The following PTPRT variants were observed in gnomAD, a reference collection of about 807,000 sequenced individuals.
PTPRT encodes receptor-type tyrosine-protein phosphatase T.
PTPRT carries 56 observed loss-of-function variants against 176.8 expected under a neutral mutation model. That is an observed-to-expected ratio of 0.32 (90% CI 0.26 to 0.40). PTPRT has a LOEUF of 0.40. Ranked by LOEUF, PTPRT falls within the 10% of genes least tolerant of loss-of-function variation. PTPRT has a pLI of 1.00. For synonymous variants in PTPRT, 783 were observed against 739.0 expected, an observed-to-expected ratio of 1.06 and a Z score of -0.96; for missense variants, 1,540 against 1,908.2, an observed-to-expected ratio of 0.81 and a Z score of 3.60.
intron 13 of PTPRT, among the ~76,000 whole-genome samples, chr20:42,282,241 T>C (rs1012300290): frequency 2.6e-5 from 4 of 152,138 alleles, no homozygotes; most frequent in Non-Finnish European, 5.9e-5. Flanking sequence ...TACCAGTCCA[T>C]CCTTTTACAC....
chr20:42,933,442 A>G (rs1042686155), intron 1 of PTPRT, among the ~76,000 whole-genome samples: 28 of 152,260 alleles, frequency 1.8e-4, no homozygotes, highest in African/African-American at 6.5e-4. Context: ...ACCCTTTGAT[A>G]ACAAGGACTG....
intron 2 of PTPRT, among the ~76,000 whole-genome samples, chr20:42,794,868 G>C (rs2077430454): frequency 8.7e-6 from 1 of 114,964 alleles, no homozygotes; most frequent in African/African-American, 3.3e-5. Context: ...CTTGGGGGTG[G>C]GGGGTGGGAT....
chr20:42,092,454 A>G (rs1052227666), intron 27 of PTPRT, among the ~76,000 whole-genome samples: 1 of 152,260 alleles, frequency 6.6e-6, no homozygotes, highest in Non-Finnish European at 1.5e-5. Flanking sequence ...ATAGTAATCT[A>G]ACAAATGATA....
chr20:42,519,627 A>G (rs1000618889), intron 7 of PTPRT, among the ~76,000 whole-genome samples: 14 of 151,952 alleles, frequency 9.2e-5, no homozygotes, highest in Admixed American at 8.5e-4. Context: ...AGATAGACAG[A>G]CAGATATAGA....
At chr20:42,595,976 G>A (rs976782316) in intron 7 of PTPRT, among the ~76,000 whole-genome samples, 1 of 152,086 alleles carries the variant, frequency 6.6e-6, no homozygotes, top group Non-Finnish European at 1.5e-5. Flanking sequence ...TCCTGGTGAG[G>A]GGGCTTCAAA....
chr20:42,898,491 G>A (rs1307059257), intron 1 of PTPRT, among the ~76,000 whole-genome samples: 1 of 152,134 alleles, frequency 6.6e-6, no homozygotes, highest in Non-Finnish European at 1.5e-5. Context: ...TATAGGCACT[G>A]TCCCCCACCT....
At chr20:42,311,698 G>A (rs757118894) in intron 12 of PTPRT, among the ~76,000 whole-genome samples, 12 of 149,942 alleles carry the variant, frequency 8.0e-5, no homozygotes, top group Middle Eastern at 3.2e-3. Flanking sequence ...TTACCCCCCC[G>A]TCACCCCATA....
rs141353748 is a variant in PTPRT at position 42,332,166 on chromosome 20, G to T, written c.1866-16170C>A. 6.8e-4 allele frequency among the ~76,000 whole-genome samples: 104 copies of T among 152,098 alleles called. 1 individual carries two copies. Among genetic ancestry groups the T allele is most frequent in the African/African-American group, 2.4e-3 (98 of 41,498 alleles). The stretch of plus-strand genomic sequence containing the variant: ...ACAATGGGCAGTATACACAAATTAT[G>T]TCTCCTGCTTGTTCAGGTACTATGA... On this transcript the variant is annotated intron_variant, in intron 11 of 30. Coordinates refer to ENST00000373187, the MANE Select transcript of PTPRT (RefSeq NM_007050.6).
At chr20:43,141,638 C>T (rs1252538874) in intron 1 of PTPRT, among the ~76,000 whole-genome samples, 2 of 152,152 alleles carry the variant, frequency 1.3e-5, no homozygotes, top group African/African-American at 2.4e-5. Context: ...GGAAAATGTA[C>T]AGTGTTGCAT....
At position 42,117,199 on chromosome 20, in the gene PTPRT, T is replaced by C. The variant is rs551807069; in HGVS notation, c.2982+1204A>G. 1.9e-4 allele frequency among the ~76,000 whole-genome samples: 29 copies of C among 152,328 alleles called. No homozygotes were observed. The East Asian group carries it at 4.2e-3, about 22-fold the overall frequency. ...CCTAAATTCCCATTAGGCCCTGAGA[T>C]GTCCATACCCCTTTATTGGATTACG... is the stretch of plus-strand genomic sequence containing the variant. On this transcript the variant is annotated intron_variant, in intron 21 of 30. Coordinates refer to ENST00000373187, the MANE Select transcript of PTPRT (RefSeq NM_007050.6).
chr20:42,674,303 C>T (rs2075462062), intron 7 of PTPRT, among the ~76,000 whole-genome samples: 1 of 152,132 alleles, frequency 6.6e-6, no homozygotes. Flanking sequence ...AAATAAAATA[C>T]CACAATTGCA....
chr20:42,423,434 C>T (rs2059138413), intron 9 of PTPRT, among the ~76,000 whole-genome samples: 1 of 152,082 alleles, frequency 6.6e-6, no homozygotes, highest in South Asian at 2.1e-4. Flanking sequence ...TCTAATACAC[C>T]CTCAGTCTGG....
At chr20:42,744,761 T>C (rs910784862) in intron 6 of PTPRT, among the ~76,000 whole-genome samples, 1 of 152,222 alleles carries the variant, frequency 6.6e-6, no homozygotes, top group African/African-American at 2.4e-5. Flanking sequence ...CTTGAAATTG[T>C]CTGCATCCAG....
intron 2 of PTPRT, among the ~76,000 whole-genome samples, chr20:42,834,345 G>C (rs986653381): frequency 6.6e-6 from 1 of 151,974 alleles, no homozygotes; most frequent in African/African-American, 2.4e-5. Flanking sequence ...TTAAAACAAA[G>C]GGGAAAAAGG....
rs558847928 is a variant in PTPRT at position 42,683,925 on chromosome 20, AC to A, written c.860-5767del. Among the ~76,000 whole-genome samples the A allele has an allele frequency of 2.8e-3, 430 of 152,352 alleles. 2 individuals are homozygous for A. Among genetic ancestry groups the A allele is most frequent in the Non-Finnish European group, 4.6e-3 (310 of 68,038 alleles). On this transcript the variant is annotated intron_variant, in intron 6 of 30. Coordinates refer to ENST00000373187, the MANE Select transcript of PTPRT (RefSeq NM_007050.6). ...CAAGGGCCACAGGGATTCTATGTGTACTGAATGACTACCCTAACAGTGAGCA... is the reference window on the plus strand; with the variant it reads ...CAAGGGCCACAGGGATTCTATGTGTATGAATGACTACCCTAACAGTGAGCA...
intron 7 of PTPRT, among the ~76,000 whole-genome samples, chr20:42,558,768 G>A (rs62203779): frequency 6.6e-6 from 1 of 152,168 alleles, no homozygotes; most frequent in Admixed American, 6.5e-5. Context: ...TGTAACCACC[G>A]ACAATACAGC....
chr20:42,363,300 A>ATTTTTTTT lies in PTPRT; in HGVS notation c.1561-11023_1561-11016dup, dbSNP rs879370769. 1.6e-4 allele frequency among the ~76,000 whole-genome samples: 5 copies of ATTTTTTTT among 30,554 alleles called. 1 individual carries two copies. The highest frequency in any genetic ancestry group is 6.7e-4 in the African/African-American group (4 of 5,944). The allele number at this position is 30,554 out of a possible 152,430, so 20.0% of individuals were successfully genotyped here. A position where few individuals can be genotyped will look rare whatever the true frequency, so the allele number is the denominator to read the frequency against. On this transcript the variant is annotated intron_variant, in intron 9 of 30. Transcript: ENST00000373187. ...TATATATATATATATATATATATAT[A>ATTTTTTTT]TTTTTTTTTTTTTTTTTTTTTTTTT...
At chr20:43,000,088 AG>A (rs1463405696) in intron 1 of PTPRT, among the ~76,000 whole-genome samples, 1 of 35,306 alleles carries the variant, frequency 2.8e-5, no homozygotes, top group Non-Finnish European at 5.4e-5. Context: ...GGAGGGAGGG[AG>A]GGAGGGAGGG....
chr20:42,169,832 T>C lies in PTPRT; in HGVS notation c.2492-8290A>G, dbSNP rs578057985. Among the ~76,000 whole-genome samples, 3 of 150,026 alleles carry C rather than the reference T, an allele frequency of 2.0e-5. No individual in the cohort carries two copies. The East Asian group carries it at 5.9e-4, about 30-fold the overall frequency. On this transcript the variant is annotated intron_variant, in intron 16 of 30. Coordinates refer to ENST00000373187, the MANE Select transcript of PTPRT (RefSeq NM_007050.6). ...CTGTTGACCCAAGAGCCATCCCCTG[T>C]CTTGTTATTTTCTGGCTAAGTTCAC...
Sources: allele counts gnomAD v4.1 joint callset (sites outside exome capture counted in the v4.1 genomes callset), GRCh38; gene constraint gnomAD v4.1.1; transcripts MANE v1.5; gene names NCBI Gene and HGNC (gene_info 2026-07-23, HGNC 2026-07-21).